ITGAE: variants seen among roughly 807,000 people sequenced by gnomAD.
ITGAE encodes the protein integrin subunit alpha E, also known as integrin alpha-E.
ITGAE carries 99 observed loss-of-function variants against 136.5 expected under a neutral mutation model. That is an observed-to-expected ratio of 0.73 (90% CI 0.62 to 0.86). The LOEUF is 0.86. Ranked by LOEUF, ITGAE falls within the 40% of genes least tolerant of loss-of-function variation. The pLI, the probability that ITGAE is intolerant of heterozygous loss-of-function variation, is 0.00. For synonymous variants in ITGAE, 613 were observed against 591.8 expected (o/e 1.04, Z -0.52); for missense variants, 1,447 against 1,515.3 (o/e 0.95, Z 0.75).
At chr17:3,725,287 G>A in intron 26 of ITGAE, 1 of 1,614,172 alleles carries the variant, frequency 6.2e-7, no homozygotes, top group Non-Finnish European at 8.5e-7. Flanking sequence ...AACACTCTAA[G>A]TATTTCAAAC....
intron 19 of ITGAE, among the ~76,000 whole-genome samples, chr17:3,741,925 A>T (rs1210816436): frequency 1.3e-5 from 2 of 152,138 alleles, no homozygotes; most frequent in Non-Finnish European, 2.9e-5. Flanking sequence ...AAAAGTACAA[A>T]AATTAGCCGA....
intron 10 of ITGAE, 98 bp from the exon 11 acceptor site, chr17:3,755,995 C>T (rs991033835): frequency 5.6e-5 from 66 of 1,179,778 alleles, no homozygotes; most frequent in Non-Finnish European, 7.8e-5. Context: ...CCAGAAGGAA[C>T]CATGCTTGGT....
intron 28 of ITGAE, among the ~76,000 whole-genome samples, chr17:3,720,771 T>C (rs1039915581): frequency 1.3e-5 from 2 of 151,968 alleles, no homozygotes; most frequent in African/African-American, 2.4e-5. Context: ...TTAGTAGAGA[T>C]GGGGTTTTGC....
intron 1 of ITGAE, among the ~76,000 whole-genome samples, chr17:3,797,290 C>T (rs1318773952): frequency 4.0e-5 from 6 of 150,168 alleles, no homozygotes; most frequent in East Asian, 2.0e-4. Context: ...CTCAGCCTCC[C>T]GAGTAGCTGG....
intron 16 of ITGAE, among the ~76,000 whole-genome samples, chr17:3,749,354 A>ATG (rs1555521500): frequency 1.3e-5 from 2 of 151,506 alleles, no homozygotes; most frequent in East Asian, 2.0e-4. Flanking sequence ...TCCCGGGTTC[A>ATG]CCATTCTCCT....
intron 1 of ITGAE, among the ~76,000 whole-genome samples, chr17:3,786,166 CAAAA>C (rs369144318): frequency 1.7e-5 from 1 of 58,424 alleles, no homozygotes. Context: ...GACTCCATCT[CAAAA>C]AAAAAAAAAA....
rs1175157225 is a variant in ITGAE, at chr17:3,795,823, A to G, written c.34+5288T>C. Among the ~76,000 whole-genome samples, 4 of 138,868 alleles carry G rather than the reference A, an allele frequency of 2.9e-5. No homozygotes were observed. In the East Asian group the frequency reaches 6.7e-4, roughly 23 times the overall value. 91.1% of individuals were successfully genotyped at this position (138,868 alleles called of 152,430 possible). On this transcript the variant is annotated intron_variant, in intron 1 of 30. Transcript: ENST00000263087. ...TGTGTGCTTGTGTGCATCCGTGTGC[A>G]TCCCTGTGTGTGCATGTGTGCATCT...
At chr17:3,790,518 AC>A (rs1209885885) in intron 1 of ITGAE, among the ~76,000 whole-genome samples, 2 of 151,860 alleles carry the variant, frequency 1.3e-5, no homozygotes, top group African/African-American at 4.8e-5. Flanking sequence ...ACAAACACAC[AC>A]ACACACACAC....
chr17:3,730,902 A>C (rs904735298), intron 23 of ITGAE, among the ~76,000 whole-genome samples: 22 of 152,360 alleles, frequency 1.4e-4, no homozygotes, highest in African/African-American at 5.1e-4. Context: ...TTTGTGTGTG[A>C]ACAAAAGAAC....
chr17:3,723,564 G>C (rs1391880352), intron 27 of ITGAE, 124 bp downstream of exon 27: 1 of 1,117,044 alleles, frequency 9.0e-7, no homozygotes, highest in Non-Finnish European at 1.3e-6. Context: ...ACGAAGCTAG[G>C]GAGGGCCTGG....
intron 8 of ITGAE, among the ~76,000 whole-genome samples, chr17:3,758,181 C>T (rs950944610): frequency 1.3e-5 from 2 of 152,236 alleles, no homozygotes; most frequent in Admixed American, 6.5e-5. Flanking sequence ...GTGCCAGGCA[C>T]TGTTGTAAAC....
chr17:3,785,372 G>C (rs2052758592), intron 1 of ITGAE, among the ~76,000 whole-genome samples: 1 of 151,960 alleles, frequency 6.6e-6, no homozygotes, highest in Non-Finnish European at 1.5e-5. Context: ...GGGAGGCTGA[G>C]ACAGGAGAAT....
intron 2 of ITGAE, among the ~76,000 whole-genome samples, chr17:3,770,447 T>C (rs1420028247): frequency 1.3e-5 from 2 of 152,150 alleles, no homozygotes; most frequent in African/African-American, 4.8e-5. Context: ...TCTATTTCCA[T>C]GTCTGCTGTC....
chr17:3,729,604 A>T, intron 23 of ITGAE, 49 bp from the exon 24 acceptor site: 1 of 1,194,416 alleles, frequency 8.4e-7, no homozygotes, highest in Non-Finnish European at 1.3e-6. Context: ...GTACATAGCA[A>T]GTGCTTCTTA....
In ITGAE at chr17:3,732,351, A is replaced by G. The variant is rs170209; in HGVS notation, c.2754+17T>C. 0.55 allele frequency: 879,222 copies of G among 1,589,502 alleles called. 246,743 individuals are homozygous for G. The highest frequency in any genetic ancestry group is 0.57 in the Non-Finnish European group (661,434 of 1,157,930). ...TGCAGGGTGGTGAGAAGAGCGAATC[A>G]GTCCAAACCGACTCACAGATGACCT... On this transcript the variant is annotated intron_variant, in intron 22 of 30. Coordinates refer to ENST00000263087, the MANE Select transcript of ITGAE (RefSeq NM_002208.5).
chr17:3,774,184 T>C (rs1230827243), intron 2 of ITGAE, among the ~76,000 whole-genome samples: 1 of 150,990 alleles, frequency 6.6e-6, no homozygotes. Context: ...CCCCAGTGCC[T>C]GTTTGAACCC....
intron 30 of ITGAE, among the ~76,000 whole-genome samples, chr17:3,716,101 G>T (rs1335879584): frequency 6.6e-6 from 1 of 151,888 alleles, no homozygotes; most frequent in Non-Finnish European, 1.5e-5. Context: ...GTGGGGGGAA[G>T]GGAAGGTTGC....
intron 20 of ITGAE, among the ~76,000 whole-genome samples, chr17:3,737,821 C>T (rs1013226556): frequency 7.2e-5 from 11 of 152,176 alleles, no homozygotes; most frequent in Non-Finnish European, 1.3e-4. Context: ...CACCGACGAC[C>T]AGGCTCACTA....
chr17:3,787,992 AT>A (rs1328034674), intron 1 of ITGAE, among the ~76,000 whole-genome samples: 2 of 151,690 alleles, frequency 1.3e-5, no homozygotes, highest in African/African-American at 4.8e-5. Context: ...CCTGGTTTTA[AT>A]TTGCCTTTCT....
Sources: gnomAD v4.1 joint callset for allele counts (sites outside exome capture counted in the v4.1 genomes callset) on GRCh38, gnomAD v4.1.1 for gene constraint, MANE v1.5 for transcripts, NCBI Gene and HGNC (gene_info 2026-07-23, HGNC 2026-07-21) for gene names.